The following ARHGAP15 variants were observed in gnomAD, a reference collection of about 807,000 sequenced individuals.
ARHGAP15 encodes the protein rho GTPase-activating protein 15.
Under a neutral mutation model 63.7 loss-of-function variants are expected in ARHGAP15, and 51 were observed. The observed-to-expected ratio is 0.80, with a 90% CI of 0.64 to 1.01. ARHGAP15 has a LOEUF of 1.01. Among genes scored for constraint, ARHGAP15 ranks in the 50% least tolerant of loss-of-function variants. The probability of loss-of-function intolerance (pLI) is 0.00; values close to 1 mark genes in which losing one functional copy is unlikely to be tolerated. For missense variants in ARHGAP15, 560 were observed against 564.6 expected, an observed-to-expected ratio of 0.99 and a Z score of 0.08; for synonymous variants, 191 against 193.8, an observed-to-expected ratio of 0.99 and a Z score of 0.12.
chr2:143,173,218 C>T (rs1253975895), intron 2 of ARHGAP15, among the ~76,000 whole-genome samples: 14 of 151,840 alleles, frequency 9.2e-5, no homozygotes, highest in Admixed American at 9.2e-4. Context: ...TTAAAAAACC[C>T]GAGATGTTTG....
At chr2:143,276,633 T>C (rs1681567189) in intron 6 of ARHGAP15, among the ~76,000 whole-genome samples, 1 of 152,170 alleles carries the variant, frequency 6.6e-6, no homozygotes, top group Non-Finnish European at 1.5e-5. Context: ...GGGCCACAAC[T>C]ACTTTTTAAA....
rs760489414 is a variant in ARHGAP15 at position 143,146,503 on chromosome 2, C to T, written c.-14-8974C>T. ...GGGTAGTGAGTGGAACAGAGCTGTG[C>T]GGGGATTCTGGAGTGCTGATAATAT... is the stretch of plus-strand genomic sequence containing the variant. On this transcript the variant is annotated intron_variant, in intron 1 of 13. Transcript: ENST00000295095. Among the ~76,000 whole-genome samples the T allele has an allele frequency of 1.3e-4, 20 of 151,948 alleles. 1 individual carries two copies. The highest frequency in any genetic ancestry group is 6.8e-3 in the Middle Eastern group (2 of 294).
intron 4 of ARHGAP15, among the ~76,000 whole-genome samples, chr2:143,227,444 C>A (rs751452867): frequency 1.4e-4 from 21 of 152,014 alleles, no homozygotes; most frequent in Non-Finnish European, 2.2e-4. Flanking sequence ...TCTCGAGGCT[C>A]ATTTCTTAAT....
intron 6 of ARHGAP15, among the ~76,000 whole-genome samples, chr2:143,381,476 T>C (rs1687051579): frequency 6.6e-6 from 1 of 152,164 alleles, no homozygotes; most frequent in Non-Finnish European, 1.5e-5. Context: ...AAATTGGCAG[T>C]TGTTGTCAGG....
chr2:143,691,627 T>TC (rs1257474023), intron 12 of ARHGAP15, among the ~76,000 whole-genome samples: 1 of 152,076 alleles, frequency 6.6e-6, no homozygotes, highest in Admixed American at 6.6e-5. Context: ...TTAATTCCAC[T>TC]CCCCCCAACA....
chr2:143,300,165 T>C (rs989095961), intron 6 of ARHGAP15, among the ~76,000 whole-genome samples: 6 of 152,026 alleles, frequency 3.9e-5, no homozygotes, highest in African/African-American at 1.4e-4. Flanking sequence ...ATTAACCTGA[T>C]ACCTATGTAG....
intron 6 of ARHGAP15, among the ~76,000 whole-genome samples, chr2:143,293,605 A>G (rs1682504216): frequency 6.6e-6 from 1 of 152,044 alleles, no homozygotes; most frequent in Non-Finnish European, 1.5e-5. Flanking sequence ...AAACCACATC[A>G]ATGTGTCAAA....
chr2:143,445,145 G>C (rs1574459874), intron 8 of ARHGAP15, among the ~76,000 whole-genome samples: 1 of 121,810 alleles, frequency 8.2e-6, no homozygotes, highest in South Asian at 2.7e-4. Flanking sequence ...CAAAGATTAA[G>C]AACAATTATT....
At chr2:143,742,887 C>T (rs1036863847) in intron 13 of ARHGAP15, among the ~76,000 whole-genome samples, 1 of 152,202 alleles carries the variant, frequency 6.6e-6, no homozygotes, top group Non-Finnish European at 1.5e-5. Flanking sequence ...CTCATATTCT[C>T]CTTCACAGAC....
intron 13 of ARHGAP15, among the ~76,000 whole-genome samples, chr2:143,750,967 C>A (rs775609108): frequency 2.6e-5 from 4 of 152,144 alleles, no homozygotes; most frequent in Non-Finnish European, 4.4e-5. Flanking sequence ...CTGTTCAGAT[C>A]TAGGCTCCAC....
Position 143,328,606 on chromosome 2 carries a change from G to T in ARHGAP15, c.474+78006G>T, listed in dbSNP as rs553291716. ...TCAGGGGGTAGGGGAGTAGGGGAGGGATAGCATTAGGAGAAATACCTAATG... is the reference window on the plus strand; with the variant it reads ...TCAGGGGGTAGGGGAGTAGGGGAGGTATAGCATTAGGAGAAATACCTAATG... On this transcript the variant is annotated intron_variant, in intron 6 of 13. Coordinates refer to ENST00000295095, the MANE Select transcript of ARHGAP15 (RefSeq NM_018460.4). 3.9e-5 allele frequency among the ~76,000 whole-genome samples: 6 copies of T among 152,244 alleles called. No individual in the cohort carries two copies. In the South Asian group the frequency reaches 1.2e-3, roughly 32 times the overall value.
chr2:143,329,702 A>G (rs2105251031), intron 6 of ARHGAP15, among the ~76,000 whole-genome samples: 1 of 152,284 alleles, frequency 6.6e-6, no homozygotes, highest in Middle Eastern at 3.4e-3. Flanking sequence ...GTTATATCCA[A>G]TGCACTATAA....
chr2:143,555,582 C>A (rs1009050445), intron 10 of ARHGAP15, among the ~76,000 whole-genome samples: 1 of 152,198 alleles, frequency 6.6e-6, no homozygotes, highest in Middle Eastern at 3.4e-3. Context: ...TAACTAGATT[C>A]TATAAATAGA....
intron 12 of ARHGAP15, among the ~76,000 whole-genome samples, chr2:143,695,473 T>A (rs903022535): frequency 1.3e-5 from 2 of 152,130 alleles, no homozygotes; most frequent in East Asian, 1.9e-4. Context: ...ACTACAAAAC[T>A]GAGGAGTGCA....
chr2:143,532,345 C>A (rs1359462419), intron 10 of ARHGAP15, among the ~76,000 whole-genome samples: 1 of 152,166 alleles, frequency 6.6e-6, no homozygotes, highest in Admixed American at 6.5e-5. Flanking sequence ...CTTGGAAAAA[C>A]TAATATAGTG....
At chr2:143,417,469 TG>T (rs879325910) in intron 6 of ARHGAP15, among the ~76,000 whole-genome samples, 1 of 152,216 alleles carries the variant, frequency 6.6e-6, no homozygotes, top group African/African-American at 2.4e-5. Context: ...TGTACTTGTC[TG>T]TACTTAATAT....
intron 9 of ARHGAP15, among the ~76,000 whole-genome samples, chr2:143,516,099 G>A (rs546216381): frequency 1.3e-5 from 2 of 152,224 alleles, no homozygotes; most frequent in African/African-American, 2.4e-5. Context: ...TTGCCTCTGC[G>A]TTTCCCCAGT....
At chr2:143,604,971 C>G (rs944926669) in intron 11 of ARHGAP15, among the ~76,000 whole-genome samples, 1 of 152,074 alleles carries the variant, frequency 6.6e-6, no homozygotes, top group African/African-American at 2.4e-5. Context: ...GGCAATAGAG[C>G]AATCTCAGCT....
intron 6 of ARHGAP15, among the ~76,000 whole-genome samples, chr2:143,416,122 G>A (rs1688665751): frequency 6.8e-6 from 1 of 146,104 alleles, no homozygotes; most frequent in Admixed American, 6.8e-5. Flanking sequence ...AATAACCTAT[G>A]GAAATAATAA....
Sources: gnomAD v4.1 joint callset for allele counts (sites outside exome capture counted in the v4.1 genomes callset) on GRCh38, gnomAD v4.1.1 for gene constraint, MANE v1.5 for transcripts, NCBI Gene and HGNC (gene_info 2026-07-23, HGNC 2026-07-21) for gene names.